Variants in WDPCP observed in about 807,000 individuals in gnomAD.
WDPCP encodes the protein WD repeat containing planar cell polarity effector, also known as WD repeat-containing and planar cell polarity effector protein fritz homolog.
WDPCP carries 71 observed loss-of-function variants against 93.1 expected under a neutral mutation model. The ratio of observed to expected loss-of-function variants is 0.76; its 90% CI spans 0.63 to 0.93. The LOEUF (loss-of-function observed/expected upper bound fraction) is 0.93. WDPCP is among the 40% of genes least tolerant of loss of function. The pLI is 0.00. For synonymous variants in WDPCP, 315 were observed against 315.0 expected (o/e 1.00, Z 0.00); for missense variants, 844 against 887.4 (o/e 0.95, Z 0.62).
the WDPCP span, among the ~76,000 whole-genome samples, chr2:63,838,957 T>C: frequency 6.6e-6 from 1 of 152,206 alleles, no homozygotes; most frequent in South Asian, 2.1e-4. Flanking sequence ...TTTCATTTTA[T>C]AAGTACTGTT....
At chr2:63,741,048 A>G (rs1669705549) in intron 2 of WDPCP, among the ~76,000 whole-genome samples, 1 of 152,098 alleles carries the variant, frequency 6.6e-6, no homozygotes, top group South Asian at 2.1e-4. Context: ...TATTGCTGAG[A>G]AATTTTATAT....
chr2:63,839,615 CTTTTG>C, the WDPCP span, among the ~76,000 whole-genome samples: 2 of 152,224 alleles, frequency 1.3e-5, no homozygotes, highest in African/African-American at 4.8e-5. Flanking sequence ...TGTCCTTCAT[CTTTTG>C]CAGGCTAAGT....
At chr2:63,833,419 A>G in the WDPCP span, among the ~76,000 whole-genome samples, 3 of 152,222 alleles carry the variant, frequency 2.0e-5, no homozygotes, top group Non-Finnish European at 4.4e-5. Flanking sequence ...GAAATAAAAA[A>G]AAAGACCTAT....
chr2:63,657,486 G>C (rs571272109), intron 2 of WDPCP, among the ~76,000 whole-genome samples: 1 of 152,110 alleles, frequency 6.6e-6, no homozygotes, highest in Non-Finnish European at 1.5e-5. Context: ...GATTACATGC[G>C]TGAGTCACCG....
At chr2:63,785,522 T>C (rs979944532) in intron 2 of WDPCP, among the ~76,000 whole-genome samples, 5 of 152,186 alleles carry the variant, frequency 3.3e-5, no homozygotes, top group Non-Finnish European at 5.9e-5. Flanking sequence ...AAAGTTTTCA[T>C]GTAACACTCC....
chr2:63,420,534 CAA>C (rs11287367), intron 9 of WDPCP, among the ~76,000 whole-genome samples: 81 of 123,250 alleles, frequency 6.6e-4, no homozygotes, highest in Admixed American at 1.1e-3. Context: ...AACTCCATCT[CAA>C]AAAAAAAAAA....
intron 2 of WDPCP, among the ~76,000 whole-genome samples, chr2:63,780,844 A>T (rs1308030071): frequency 1.3e-5 from 2 of 152,206 alleles, no homozygotes; most frequent in Non-Finnish European, 2.9e-5. Context: ...AGGTAGTTAG[A>T]TTCCAGTGTA....
chr2:63,730,257 A>T (rs1387954335), intron 2 of WDPCP, among the ~76,000 whole-genome samples: 1 of 151,896 alleles, frequency 6.6e-6, no homozygotes, highest in Non-Finnish European at 1.5e-5. Context: ...CTGACCCAAG[A>T]TCACACAGCT....
chr2:63,733,454 G>T (rs1320366895), intron 2 of WDPCP, among the ~76,000 whole-genome samples: 1 of 146,192 alleles, frequency 6.8e-6, no homozygotes, highest in Non-Finnish European at 1.5e-5. Flanking sequence ...CACCCGCCTC[G>T]GCCTCCCAAA....
chr2:63,666,841 A>G (rs1364568020), intron 2 of WDPCP, among the ~76,000 whole-genome samples: 1 of 152,190 alleles, frequency 6.6e-6, no homozygotes, highest in East Asian at 1.9e-4. Flanking sequence ...ACAGACATTC[A>G]TTGCTGGAGA....
At chr2:63,698,224 G>A (rs944537822) in intron 2 of WDPCP, among the ~76,000 whole-genome samples, 1 of 152,096 alleles carries the variant, frequency 6.6e-6, no homozygotes. Context: ...CAAAGTGCTC[G>A]ACTTTTTTAA....
chr2:63,799,313 T>C (rs976835643), intron 2 of WDPCP, among the ~76,000 whole-genome samples: 1 of 152,178 alleles, frequency 6.6e-6, no homozygotes, highest in Non-Finnish European at 1.5e-5. Context: ...CCATAGAAGA[T>C]AATTGGTATT....
At chr2:63,601,455 G>A (rs936806595) in intron 3 of WDPCP, among the ~76,000 whole-genome samples, 7 of 152,202 alleles carry the variant, frequency 4.6e-5, no homozygotes, top group African/African-American at 1.7e-4. Flanking sequence ...AATGATACCA[G>A]TTAGCTTGTA....
intron 1 of WDPCP, among the ~76,000 whole-genome samples, chr2:63,573,109 G>A (rs1184197196): frequency 6.6e-6 from 1 of 152,028 alleles, no homozygotes; most frequent in Non-Finnish European, 1.5e-5. Context: ...TAATTGGCTG[G>A]TGGCATGTGC....
intron 14 of WDPCP, among the ~76,000 whole-genome samples, chr2:63,225,231 A>C (rs1218528149): frequency 6.6e-6 from 1 of 151,958 alleles, no homozygotes; most frequent in Non-Finnish European, 1.5e-5. Flanking sequence ...ACTCTATAGA[A>C]CAATAGGCAG....
chr2:63,328,689 ATATC>A (rs1687753752), intron 12 of WDPCP, among the ~76,000 whole-genome samples: 1 of 152,144 alleles, frequency 6.6e-6, no homozygotes. Context: ...TGCCATAAAC[ATATC>A]TATCACTTCC....
chr2:63,696,153 G>A (rs1455775393), intron 2 of WDPCP, among the ~76,000 whole-genome samples: 1 of 152,164 alleles, frequency 6.6e-6, no homozygotes, highest in East Asian at 1.9e-4. Context: ...GGGTCTTCCA[G>A]AATGTGGTCA....
chr2:63,761,360 ATTTCT>A (rs1360069336), intron 2 of WDPCP, among the ~76,000 whole-genome samples: 1 of 152,116 alleles, frequency 6.6e-6, no homozygotes, highest in Non-Finnish European at 1.5e-5. Context: ...TGAGAAATAA[ATTTCT>A]TTTCTTTATA....
At chr2:63,582,997 G>A (rs1708592506) in intron 1 of WDPCP, among the ~76,000 whole-genome samples, 1 of 152,014 alleles carries the variant, frequency 6.6e-6, no homozygotes, top group African/African-American at 2.4e-5. Flanking sequence ...ACTGAAAATA[G>A]TAACCATATT....
Sources: allele counts gnomAD v4.1 joint callset (sites outside exome capture counted in the v4.1 genomes callset), GRCh38; gene constraint gnomAD v4.1.1; transcripts MANE v1.5; gene names NCBI Gene and HGNC (gene_info 2026-07-23, HGNC 2026-07-21).